Variants in GPATCH8 observed in about 807,000 individuals in gnomAD.
GPATCH8 encodes the protein G patch domain-containing protein 8.
In GPATCH8, 18 loss-of-function variants were observed where a neutral mutation model predicts 118.3. That is an observed-to-expected ratio of 0.15 (90% confidence interval 0.11 to 0.23). The LOEUF is 0.23. Ranked by LOEUF, GPATCH8 falls within the 10% of genes least tolerant of loss-of-function variation. The pLI is 1.00. For missense variants in GPATCH8, 1,631 were observed against 1,873.8 expected, an observed-to-expected ratio of 0.87 and a Z score of 2.39; for synonymous variants, 659 against 684.7, an observed-to-expected ratio of 0.96 and a Z score of 0.59.
chr17:44,455,514 TA>T (rs969766306), intron 3 of GPATCH8, among the ~76,000 whole-genome samples: 31 of 151,108 alleles, frequency 2.1e-4, no homozygotes, highest in East Asian at 3.9e-4. Context: ...AAAAAAAAAT[TA>T]AAAAAAATAA....
In GPATCH8 at chr17:44,399,661, G is replaced by C; in HGVS notation, c.2416C>G (p.Arg806Gly). ...QRRAGTKRSSRSSHRSQPSSG... is the reference protein window; with the variant it reads ...QRRAGTKRSSGSSHRSQPSSG... ...CTGGGTTGGCTCCGATGGCTAGACC[G>C]GCTGCTCCGTTTGGTGCCTGCTCTT... The change falls in exon 8 of 8, where the codon CGG becomes GGG. Residue 806 changes from arginine to glycine, a missense_variant. Arg to Gly is a moderately radical substitution (Grantham distance 125, BLOSUM62 -2). Around this residue, in one of 8 missense-constraint regions of GPATCH8, gnomAD observed 922 missense variants for 879.7 expected, o/e 1.05. Coordinates refer to ENST00000591680, the MANE Select transcript of GPATCH8 (RefSeq NM_001002909.4). The C allele has an allele frequency of 3.7e-6, 6 of 1,614,152 alleles. No individual in the cohort carries two copies. The highest frequency in any genetic ancestry group is 5.1e-6 in the Non-Finnish European group (6 of 1,179,998).
In GPATCH8 at chr17:44,395,707, CTT is replaced by C. The variant is rs1156753401; in HGVS notation, c.*1859_*1860del. 4.4e-6 allele frequency: 2 copies of C among 454,018 alleles called. No individual in the cohort carries two copies. Among genetic ancestry groups the C allele is most frequent in the African/African-American group, 2.0e-5 (1 of 50,010 alleles). 28.1% of individuals were successfully genotyped at this position (454,018 alleles called of 1,614,324 possible). On this transcript the variant is annotated 3_prime_UTR_variant, in exon 8 of 8. Transcript: ENST00000591680. ...TTGCCTGCCACTTTCTTTTCATAAA[CTT>C]TACTCTTTTGAGAATTTGCGAAGGC...
chr17:44,468,684 A>T (rs1967021376), intron 2 of GPATCH8, among the ~76,000 whole-genome samples: 1 of 152,088 alleles, frequency 6.6e-6, no homozygotes, highest in Non-Finnish European at 1.5e-5. Context: ...TTTGGGGTTT[A>T]ATTATAATCT....
chr17:44,444,944 T>C lies in GPATCH8; in HGVS notation c.194-8399A>G, dbSNP rs544419094. Among the ~76,000 whole-genome samples the C allele has an allele frequency of 2.6e-5, 4 of 152,296 alleles. No homozygotes were observed. In the South Asian group the frequency reaches 6.2e-4, roughly 24 times the overall value. On this transcript the variant is annotated intron_variant, in intron 3 of 7. Coordinates refer to ENST00000591680, the MANE Select transcript of GPATCH8 (RefSeq NM_001002909.4). ...TGAAACTTGTTCAACTGTAAATACT[T>C]AGTCATCATGATGCGCGCCGCTTAA...
intron 5 of GPATCH8, among the ~76,000 whole-genome samples, chr17:44,425,877 T>C (rs773944088): frequency 6.6e-6 from 1 of 152,024 alleles, no homozygotes; most frequent in African/African-American, 2.4e-5. Context: ...TACAGCAGTA[T>C]AGGAAAACAG....
At chr17:44,484,629 C>T (rs1968629335) in intron 1 of GPATCH8, among the ~76,000 whole-genome samples, 1 of 152,138 alleles carries the variant, frequency 6.6e-6, no homozygotes, top group Non-Finnish European at 1.5e-5. Context: ...CTTAGACTTC[C>T]TCTAATGGTC....
At chr17:44,454,092 C>G (rs752814760) in intron 3 of GPATCH8, among the ~76,000 whole-genome samples, 1 of 152,182 alleles carries the variant, frequency 6.6e-6, no homozygotes, top group Non-Finnish European at 1.5e-5. Flanking sequence ...ATTCCTCCCT[C>G]CTCAGGACTT....
At chr17:44,503,290 C>A (rs956331948) in intron 1 of GPATCH8, 36 bp downstream of exon 1, 1 of 1,580,086 alleles carries the variant, frequency 6.3e-7, no homozygotes, top group Non-Finnish European at 8.6e-7. Flanking sequence ...GCTAGACCAG[C>A]GCCTTCCCCG....
chr17:44,483,154 C>CAAA lies in GPATCH8; in HGVS notation c.46-8254_46-8252dup, dbSNP rs1178488342. ...TGGGCGAAAGAGTGAGACTCCGTCT[C>CAAA]AAAAAAAAAAAAAAAAAAAAAAATA... On this transcript the variant is annotated intron_variant, in intron 1 of 7. Coordinates refer to ENST00000591680, the MANE Select transcript of GPATCH8 (RefSeq NM_001002909.4). 3.5e-3 allele frequency among the ~76,000 whole-genome samples: 3 copies of CAAA among 846 alleles called. 1 individual carries two copies. Among genetic ancestry groups the CAAA allele is most frequent in the African/African-American group, 0.011 (3 of 282 alleles). The allele number at this position is 846 out of a possible 152,430, so 0.6% of individuals were successfully genotyped here.
chr17:44,425,867 T>C (rs1044003814), intron 5 of GPATCH8, among the ~76,000 whole-genome samples: 7 of 152,084 alleles, frequency 4.6e-5, no homozygotes, highest in Non-Finnish European at 2.9e-5. Context: ...CTGGTATGAA[T>C]ACAGCAGTAT....
intron 6 of GPATCH8, among the ~76,000 whole-genome samples, chr17:44,422,404 G>C (rs955643762): frequency 4.0e-5 from 6 of 151,796 alleles, no homozygotes; most frequent in Admixed American, 3.9e-4. Context: ...TGCTCAGGGT[G>C]GTCTCGAACT....
intron 3 of GPATCH8, among the ~76,000 whole-genome samples, chr17:44,451,572 C>T (rs1220157652): frequency 1.3e-5 from 2 of 152,110 alleles, no homozygotes; most frequent in Non-Finnish European, 2.9e-5. Context: ...TAAAATGCCA[C>T]AGGAGAGAAA....
intron 1 of GPATCH8, among the ~76,000 whole-genome samples, chr17:44,491,369 A>C (rs1483547590): frequency 6.6e-6 from 1 of 151,842 alleles, no homozygotes; most frequent in Non-Finnish European, 1.5e-5. Context: ...GTCACCTGTA[A>C]TCCCAGCTGC....
intron 1 of GPATCH8, among the ~76,000 whole-genome samples, chr17:44,499,449 A>G (rs1164640712): frequency 6.6e-6 from 1 of 152,218 alleles, no homozygotes; most frequent in African/African-American, 2.4e-5. Flanking sequence ...CAGGTGGGCA[A>G]CAAGAGCGAA....
intron 7 of GPATCH8, among the ~76,000 whole-genome samples, chr17:44,404,164 G>T (rs2049132396): frequency 1.3e-5 from 2 of 151,908 alleles, no homozygotes; most frequent in Admixed American, 6.6e-5. Flanking sequence ...TTGAGACAGG[G>T]TCTTGCTCTA....
In GPATCH8 at chr17:44,396,157, AT is replaced by A. The variant is rs1377704197; in HGVS notation, c.*1410del. 2 of 454,356 alleles carry A rather than the reference AT, an allele frequency of 4.4e-6. No homozygotes were observed. The highest frequency in any genetic ancestry group is 8.8e-6 in the Non-Finnish European group (2 of 226,784). The allele number at this position is 454,356 out of a possible 1,614,324, so 28.1% of individuals were successfully genotyped here. ...ACCCAAAAGGCACATTAAAAAAAAA[AT>A]TGTCAGAGGGGGCTAAGTACTAGGA... On this transcript the variant is annotated 3_prime_UTR_variant, in exon 8 of 8. Transcript: ENST00000591680.
chr17:44,502,410 C>G (rs1970145500), intron 1 of GPATCH8, among the ~76,000 whole-genome samples: 1 of 151,246 alleles, frequency 6.6e-6, no homozygotes, highest in Admixed American at 6.6e-5. Context: ...TAGAAATAGC[C>G]AATCTCTACT....
intron 6 of GPATCH8, among the ~76,000 whole-genome samples, chr17:44,409,847 C>A (rs1432551538): frequency 6.6e-6 from 1 of 152,164 alleles, no homozygotes; most frequent in Non-Finnish European, 1.5e-5. Context: ...CCGCAGTGCA[C>A]AAAACACTAC....
chr17:44,421,202 G>A (rs531290685), intron 6 of GPATCH8, among the ~76,000 whole-genome samples: 1 of 151,778 alleles, frequency 6.6e-6, no homozygotes, highest in African/African-American at 2.4e-5. Flanking sequence ...TTAGCCGGGC[G>A]TGGTGGCGCA....
Sources: allele counts gnomAD v4.1 joint callset (sites outside exome capture counted in the v4.1 genomes callset), GRCh38; gene constraint gnomAD v4.1.1; regional missense constraint gnomAD v4.1.1; transcripts MANE v1.5; gene names NCBI Gene and HGNC (gene_info 2026-07-23, HGNC 2026-07-21).